PCDHGA1: variants seen among roughly 807,000 people sequenced by gnomAD.
The protein encoded by PCDHGA1 is protocadherin gamma-A1.
PCDHGA1 carries 32 observed loss-of-function variants against 58.0 expected under a neutral mutation model. The ratio of observed to expected loss-of-function variants is 0.55; its 90% confidence interval spans 0.42 to 0.74. PCDHGA1 has a LOEUF of 0.74. Among genes scored for constraint, PCDHGA1 ranks in the 30% least tolerant of loss-of-function variants. PCDHGA1 has a pLI of 0.00. For missense variants in PCDHGA1, 1,205 were observed against 1,182.3 expected (o/e 1.02, Z -0.28); for synonymous variants, 498 against 501.1 (o/e 0.99, Z 0.08).
At chr5:141,452,951 G>A (rs1397204185) in intron 1 of PCDHGA1, among the ~76,000 whole-genome samples, 1 of 152,154 alleles carries the variant, frequency 6.6e-6, no homozygotes, top group Admixed American at 6.6e-5. Context: ...GCAATTGGTT[G>A]TCTTTAAACT....
At chr5:141,346,354 A>G (rs373196801) in intron 1 of PCDHGA1, 9 of 1,614,068 alleles carry the variant, frequency 5.6e-6, no homozygotes, top group South Asian at 3.3e-5. Flanking sequence ...CCCCAGCCCA[A>G]CTATGCGGAC....
intron 1 of PCDHGA1, chr5:141,351,020 T>TG: frequency 6.2e-7 from 1 of 1,614,036 alleles, no homozygotes; most frequent in Non-Finnish European, 8.5e-7. Flanking sequence ...AAACGTACCG[T>TG]GGGGAACCTC....
chr5:141,451,813 G>A (rs921877961), intron 1 of PCDHGA1, among the ~76,000 whole-genome samples: 13 of 150,788 alleles, frequency 8.6e-5, no homozygotes, highest in East Asian at 2.0e-4. Context: ...CCCAGGAGGC[G>A]GAGGTTACAG....
At chr5:141,340,182 T>C (rs1249501921) in intron 1 of PCDHGA1, 1 of 1,614,240 alleles carries the variant, frequency 6.2e-7, no homozygotes, top group Non-Finnish European at 8.5e-7. Flanking sequence ...TACTACCGAC[T>C]GGTTACAACC....
Position 141,485,063 on chromosome 5 carries a change from A to C in PCDHGA1, c.2422-9744A>C. On this transcript the variant is annotated intron_variant, in intron 1 of 3. Transcript: ENST00000517417. This position sits in a 1 kb window ranked among gnomAD's most constrained non-coding sequence, Gnocchi z 5.7. ...CTTGCGGCGCCGGCCGAACCGCGCC[A>C]GAGCTGGCGCGGGGAAAGGGAGATA... is the stretch of plus-strand genomic sequence containing the variant. 2 of 874,986 alleles carry C rather than the reference A, an allele frequency of 2.3e-6. No individual in the cohort carries two copies. Among genetic ancestry groups the C allele is most frequent in the Non-Finnish European group, 3.6e-6 (2 of 551,278 alleles). 54.2% of individuals were successfully genotyped at this position (874,986 alleles called of 1,614,324 possible).
At chr5:141,384,163 C>G (rs535530763) in intron 1 of PCDHGA1, 2 of 1,613,658 alleles carry the variant, frequency 1.2e-6, no homozygotes, top group African/African-American at 1.3e-5. Context: ...TAACATCACA[C>G]TGAAAGCCAC....
Position 141,505,432 on chromosome 5 carries a change from C to T in PCDHGA1, c.2520C>T (p.Asn840=), listed in dbSNP as rs776731214. Residue 840 remains asparagine, a synonymous_variant, in exon 3 of 4, where the codon AAC becomes AAT. Transcript: ENST00000517417. ...ATGACACCGGCACCTGGCCCAACAA[C>T]CAGTTTGACACAGAGATGCTGCAAG... ...NGDDTGTWPN[N]QFDTEMLQAM... 6.2e-7 allele frequency: 1 copy of T among 1,614,252 alleles called. No homozygotes were observed. Among genetic ancestry groups the T allele is most frequent in the Non-Finnish European group, 8.5e-7 (1 of 1,180,048 alleles).
intron 1 of PCDHGA1, among the ~76,000 whole-genome samples, chr5:141,336,086 A>T (rs1280193306): frequency 6.6e-6 from 1 of 152,222 alleles, no homozygotes; most frequent in Non-Finnish European, 1.5e-5. Context: ...AAATAAAATG[A>T]TGGAAAAAAT....
Position 141,489,216 on chromosome 5 carries a change from C to G in PCDHGA1, c.2422-5591C>G. The G allele has an allele frequency of 6.7e-7, 1 of 1,486,698 alleles. No individual in the cohort carries two copies. Among genetic ancestry groups the G allele is most frequent in the Non-Finnish European group, 9.1e-7 (1 of 1,103,260 alleles). 92.1% of individuals were successfully genotyped at this position (1,486,698 alleles called of 1,614,324 possible). ...TTGGAGACAGGACAGCACAGACTTA[C>G]TCTCCACAAAGGGACTTCTGGGTCA... On this transcript the variant is annotated intron_variant, in intron 1 of 3. Transcript: ENST00000517417. This position sits in a 1 kb window ranked among gnomAD's most constrained non-coding sequence, Gnocchi z 4.5.
At chr5:141,419,826 C>T in intron 1 of PCDHGA1, 1 of 1,614,066 alleles carries the variant, frequency 6.2e-7, no homozygotes, top group Non-Finnish European at 8.5e-7. Flanking sequence ...CCCCTTTCAG[C>T]CACTGCCACG....
rs145569377 is a variant in PCDHGA1 at position 141,455,860 on chromosome 5, ATTATTTATTTATTTATTTATTTATTTAT to A, written c.2422-38920_2422-38893del. Among the ~76,000 whole-genome samples the A allele has an allele frequency of 5.0e-5, 7 of 139,848 alleles. No individual in the cohort carries two copies. The South Asian group carries it at 9.2e-4, about 18-fold the overall frequency. 91.7% of individuals were successfully genotyped at this position (139,848 alleles called of 152,430 possible). On this transcript the variant is annotated intron_variant, in intron 1 of 3. Transcript: ENST00000517417. ...CTATCTGCATAAAATAATTTCTTTT[ATTATTTATTTATTTATTTATTTATTTAT>A]TTATTTATTTATTTATTTATTTATT...
Position 141,399,437 on chromosome 5 carries a change from A to T in PCDHGA1, c.2421+66332A>T, listed in dbSNP as rs780100815. The stretch of plus-strand genomic sequence containing the variant: ...TCCTCCAGCATAAGCGTCATCCTAC[A>T]TATCAGAGACGTCAACGATAACGCT... On this transcript the variant is annotated intron_variant, in intron 1 of 3. Coordinates refer to ENST00000517417, the MANE Select transcript of PCDHGA1 (RefSeq NM_018912.3). 22 of 1,613,998 alleles carry T rather than the reference A, an allele frequency of 1.4e-5. No individual in the cohort carries two copies. The South Asian group carries it at 2.2e-4, about 16-fold the overall frequency.
At position 141,399,361 on chromosome 5, in the gene PCDHGA1, C is replaced by T. The variant is rs375619778; in HGVS notation, c.2421+66256C>T. 7.2e-5 allele frequency: 117 copies of T among 1,613,842 alleles called. No individual in the cohort carries two copies. Among genetic ancestry groups the T allele is most frequent in the Non-Finnish European group, 9.7e-5 (115 of 1,179,910 alleles). ...TGGAACCCTAGACCGAGAGCAAACC[C>T]CGGAGTACAATGTCACCATCACAGC... On this transcript the variant is annotated intron_variant, in intron 1 of 3. Transcript: ENST00000517417.
Position 141,384,300 on chromosome 5 carries a change from AG to A in PCDHGA1, c.2421+51199del, listed in dbSNP as rs751826409. The A allele has an allele frequency of 3.1e-6, 5 of 1,613,658 alleles. No homozygotes were observed. In the Admixed American group the frequency reaches 8.3e-5, roughly 27 times the overall value. On this transcript the variant is annotated intron_variant, in intron 1 of 3. Transcript: ENST00000517417. ...TCTACATCGCTGAGAACAACCCCAG[AG>A]GGGCCTCCATTTTCTTAGTGACTGC...
intron 1 of PCDHGA1, among the ~76,000 whole-genome samples, chr5:141,435,444 A>T (rs1471113812): frequency 1.3e-5 from 2 of 152,216 alleles, no homozygotes; most frequent in South Asian, 2.1e-4. Context: ...TTTCATTAAT[A>T]CGATATCTGT....
intron 1 of PCDHGA1, chr5:141,362,080 G>A: frequency 4.3e-6 from 7 of 1,613,200 alleles, no homozygotes; most frequent in Non-Finnish European, 5.9e-6. Flanking sequence ...TGTGCGTGAT[G>A]GAGGACAGCC....
intron 1 of PCDHGA1, chr5:141,392,605 C>CAA: frequency 1.9e-6 from 1 of 514,610 alleles, no homozygotes; most frequent in Non-Finnish European, 3.4e-6. Context: ...TACTGGAAGA[C>CAA]AAATGCAACC....
At chr5:141,457,736 T>G (rs1265562501) in intron 1 of PCDHGA1, among the ~76,000 whole-genome samples, 1 of 152,254 alleles carries the variant, frequency 6.6e-6, no homozygotes, top group African/African-American at 2.4e-5. Flanking sequence ...AGATTAGACT[T>G]TTAAAGCTGA....
chr5:141,354,934 A>T, intron 1 of PCDHGA1: 1 of 419,850 alleles, frequency 2.4e-6, no homozygotes, highest in Non-Finnish European at 4.1e-6. Context: ...AACTTTTTTT[A>T]ACCAAGAATA....
Sources: allele counts gnomAD v4.1 joint callset (sites outside exome capture counted in the v4.1 genomes callset), GRCh38; gene constraint gnomAD v4.1.1; non-coding constraint Gnocchi (gnomAD v3.1); transcripts MANE v1.5; gene names NCBI Gene and HGNC (gene_info 2026-07-23, HGNC 2026-07-21).